Variants in MED15 observed in about 807,000 individuals in gnomAD.
MED15 encodes mediator of RNA polymerase II transcription subunit 15.
In MED15, 41 loss-of-function variants were observed where a neutral mutation model predicts 118.7. The ratio of observed to expected loss-of-function variants is 0.35; its 90% CI spans 0.27 to 0.45. MED15 has a LOEUF of 0.45. Among genes scored for constraint, MED15 ranks in the 20% least tolerant of loss-of-function variants. The pLI is 1.00. For synonymous variants in MED15, 436 were observed against 413.9 expected, an observed-to-expected ratio of 1.05 and a Z score of -0.65; for missense variants, 740 against 1,025.5, an observed-to-expected ratio of 0.72 and a Z score of 3.80.
In MED15 at chr22:20,587,461, C is replaced by G. The variant is rs1170561486; in HGVS notation, c.*757C>G. 4.9e-6 allele frequency: 1 copy of G among 205,270 alleles called. No individual in the cohort carries two copies. Among genetic ancestry groups the G allele is most frequent in the Non-Finnish European group, 9.9e-6 (1 of 100,574 alleles). 12.7% of individuals were successfully genotyped at this position (205,270 alleles called of 1,614,324 possible). A position where few individuals can be genotyped will look rare whatever the true frequency, so the allele number is the denominator to read the frequency against. ...GCACCACACACTGAGCACCCAGAGA[C>G]AGCGGGCCTGGCAGCGGGCCGGGCC... On this transcript the variant is annotated 3_prime_UTR_variant, in exon 18 of 18. Coordinates refer to ENST00000263205, the MANE Select transcript of MED15 (RefSeq NM_001003891.3).
intron 6 of MED15, 56 bp from the exon 7 acceptor site, chr22:20,566,411 G>C: frequency 1.3e-6 from 2 of 1,594,234 alleles, no homozygotes; most frequent in Non-Finnish European, 1.7e-6. Context: ...ACAGGGAGGA[G>C]CTGGTGCCAC....
intron 16 of MED15, 160 bp from the exon 17 acceptor site, chr22:20,585,568 T>C: frequency 2.7e-6 from 2 of 740,566 alleles, no homozygotes; most frequent in South Asian, 1.7e-5. Context: ...CACTCCAGGC[T>C]TCACGTTTGG....
At chr22:20,583,039 C>A in intron 11 of MED15, 72 bp downstream of exon 11, 1 of 1,567,624 alleles carries the variant, frequency 6.4e-7, no homozygotes, top group South Asian at 1.2e-5. Flanking sequence ...GGTGTGCGAG[C>A]TCTGGGGCCC....
At chr22:20,561,248 C>A (rs112729229) in intron 5 of MED15, among the ~76,000 whole-genome samples, 1 of 152,090 alleles carries the variant, frequency 6.6e-6, no homozygotes, top group Non-Finnish European at 1.5e-5. Context: ...AGGCCGGGCG[C>A]GGTGGCTCAG....
intron 1 of MED15, among the ~76,000 whole-genome samples, chr22:20,515,915 A>G (rs2054237385): frequency 6.6e-6 from 1 of 152,152 alleles, no homozygotes; most frequent in Admixed American, 6.6e-5. Context: ...AGGTAGGAGA[A>G]TCGCTTGAAC....
chr22:20,566,862 C>G (rs1410108205), intron 7 of MED15, 45 bp downstream of exon 7: 3 of 1,597,096 alleles, frequency 1.9e-6, no homozygotes, highest in African/African-American at 1.3e-5. Context: ...GCCCGTGGCT[C>G]TGTCAGCAGT....
intron 5 of MED15, among the ~76,000 whole-genome samples, chr22:20,562,348 TCAA>T (rs1442576011): frequency 6.6e-6 from 1 of 152,136 alleles, no homozygotes; most frequent in Non-Finnish European, 1.5e-5. Context: ...AAAGCAAGCT[TCAA>T]CAATTTCAGA....
intron 8 of MED15, chr22:20,574,354 CCTG>C (rs2056759491): frequency 6.6e-6 from 1 of 152,340 alleles, no homozygotes; most frequent in African/African-American, 2.4e-5. Context: ...GCTCAGCTGT[CCTG>C]CTGCCTTTGT....
chr22:20,516,392 C>T (rs1013566302), intron 1 of MED15, among the ~76,000 whole-genome samples: 1 of 152,086 alleles, frequency 6.6e-6, no homozygotes, highest in African/African-American at 2.4e-5. Flanking sequence ...ACAAGACAGA[C>T]AAACCCCTTT....
At chr22:20,524,715 G>A (rs540710892) in intron 1 of MED15, among the ~76,000 whole-genome samples, 1 of 152,292 alleles carries the variant, frequency 6.6e-6, no homozygotes, top group South Asian at 2.1e-4. Flanking sequence ...TCCGCCTCCC[G>A]GGTTCAGGCG....
intron 16 of MED15, chr22:20,585,506 T>TGGGCCCTAGGGAGGTGGTAGGCA (rs1242974092): frequency 1.4e-6 from 1 of 701,520 alleles, no homozygotes; most frequent in African/African-American, 1.8e-5. Flanking sequence ...TTTGCTTGCC[T>TGGGCCCTAGGGAGGTGGTAGGCA]GGGCCCTAGG....
intron 2 of MED15, among the ~76,000 whole-genome samples, chr22:20,542,363 A>G (rs1296615246): frequency 2.0e-5 from 3 of 152,260 alleles, no homozygotes; most frequent in African/African-American, 7.2e-5. Flanking sequence ...AATGTAGAAT[A>G]TCCATACAAT....
intron 5 of MED15, among the ~76,000 whole-genome samples, chr22:20,560,549 C>T (rs1601585188): frequency 6.6e-6 from 1 of 152,202 alleles, no homozygotes; most frequent in East Asian, 1.9e-4. Context: ...AGGCATGAGC[C>T]TCCGCGCCTG....
At chr22:20,562,991 G>A (rs1218352830) in intron 5 of MED15, among the ~76,000 whole-genome samples, 1 of 151,652 alleles carries the variant, frequency 6.6e-6, no homozygotes, top group African/African-American at 2.4e-5. Context: ...AGCCACGATG[G>A]TACCACTTCA....
intron 5 of MED15, among the ~76,000 whole-genome samples, chr22:20,555,633 G>T (rs555977441): frequency 2.6e-5 from 4 of 152,196 alleles, no homozygotes; most frequent in Admixed American, 2.0e-4. Flanking sequence ...CTCTCCACAC[G>T]GCTGCTGTGG....
intron 1 of MED15, among the ~76,000 whole-genome samples, chr22:20,516,430 C>T (rs1161382535): frequency 6.6e-6 from 1 of 152,166 alleles, no homozygotes; most frequent in East Asian, 1.9e-4. Context: ...TGGACCCTAA[C>T]AGCAGAGGAA....
rs371443709 is a variant in MED15 at position 20,584,326 on chromosome 22, C to T, written c.1737-33C>T. The T allele has an allele frequency of 2.0e-5, 32 of 1,609,088 alleles. 1 individual carries two copies. In the African/African-American group the frequency reaches 2.3e-4, roughly 11 times the overall value. ...TGAGCCTGAGAACTGCCATGTCTTCCACTCTTTCAGCCCAAGTCCTCTCTC... is the reference window on the plus strand; with the variant it reads ...TGAGCCTGAGAACTGCCATGTCTTCTACTCTTTCAGCCCAAGTCCTCTCTC... On this transcript the variant is annotated intron_variant, in intron 13 of 17. Transcript: ENST00000263205.
Position 20,566,526 on chromosome 22 carries a change from A to ACAGCAGCAGCAGCAGCAGCAGCAG in MED15, c.763_786dup (p.Gln255_Gln262dup). 1.2e-6 allele frequency: 2 copies of ACAGCAGCAGCAGCAGCAGCAGCAG among 1,601,680 alleles called. No homozygotes were observed. Among genetic ancestry groups the ACAGCAGCAGCAGCAGCAGCAGCAG allele is most frequent in the Non-Finnish European group, 1.7e-6 (2 of 1,172,158 alleles). On this transcript the variant is annotated inframe_insertion, in exon 7 of 18. Transcript: ENST00000263205. ...CACAGCTGCAGCTCCAACAACAGCA[A>ACAGCAGCAGCAGCAGCAGCAGCAG]CAGCAGCAGCAGCAGCAGCAGCAGC...
At chr22:20,525,547 T>C (rs2054606414) in intron 1 of MED15, among the ~76,000 whole-genome samples, 1 of 138,306 alleles carries the variant, frequency 7.2e-6, no homozygotes, top group Non-Finnish European at 1.6e-5. Flanking sequence ...TTTTTTTTTT[T>C]TTTTTTGAGA....
Sources: gnomAD v4.1 joint callset for allele counts (sites outside exome capture counted in the v4.1 genomes callset) on GRCh38, gnomAD v4.1.1 for gene constraint, MANE v1.5 for transcripts, NCBI Gene and HGNC (gene_info 2026-07-23, HGNC 2026-07-21) for gene names.